KLHL29: variants seen among roughly 807,000 people sequenced by gnomAD.
The protein encoded by KLHL29 is kelch like family member 29.
A neutral mutation model predicts 80.4 loss-of-function variants in KLHL29; 21 were observed. That is an observed-to-expected ratio of 0.26 (90% CI 0.19 to 0.38). The LOEUF (loss-of-function observed/expected upper bound fraction) is 0.38. Ranked by LOEUF, KLHL29 falls within the 10% of genes least tolerant of loss-of-function variation. The pLI is 1.00. For synonymous variants in KLHL29, 511 were observed against 526.8 expected, an observed-to-expected ratio of 0.97 and a Z score of 0.41; for missense variants, 867 against 1,223.9, an observed-to-expected ratio of 0.71 and a Z score of 4.35.
intron 12 of KLHL29, 48 bp downstream of exon 12, chr2:23,703,427 C>T: frequency 7.2e-7 from 1 of 1,393,968 alleles, no homozygotes; most frequent in Non-Finnish European, 9.5e-7. Flanking sequence ...CGCATCCCTG[C>T]CTTGCTGATT....
intron 1 of KLHL29, among the ~76,000 whole-genome samples, chr2:23,464,738 A>G (rs1168552621): frequency 1.3e-5 from 2 of 152,076 alleles, no homozygotes; most frequent in Non-Finnish European, 2.9e-5. Context: ...ACCCAGAAGT[A>G]TTTGTGTTTT....
At chr2:23,511,328 C>T (rs557660727) in intron 2 of KLHL29, among the ~76,000 whole-genome samples, 1 of 152,296 alleles carries the variant, frequency 6.6e-6, no homozygotes, top group South Asian at 2.1e-4. Flanking sequence ...TCAAGGAGCT[C>T]CCTAGTCAAG....
intron 1 of KLHL29, among the ~76,000 whole-genome samples, chr2:23,452,902 AC>A (rs200681873): frequency 1.5e-5 from 2 of 137,192 alleles, no homozygotes; most frequent in Admixed American, 7.1e-5. Context: ...AAGACTGGTC[AC>A]CCCCCCGCCC....
At chr2:23,397,840 C>A (rs1666489571) in intron 1 of KLHL29, among the ~76,000 whole-genome samples, 1 of 152,176 alleles carries the variant, frequency 6.6e-6, no homozygotes, top group Non-Finnish European at 1.5e-5. Context: ...ATACCAATGG[C>A]CAATAAGGAC....
chr2:23,550,004 C>T (rs1222002578), intron 2 of KLHL29, among the ~76,000 whole-genome samples: 2 of 152,162 alleles, frequency 1.3e-5, no homozygotes, highest in Non-Finnish European at 2.9e-5. Context: ...GGTTCTGGGT[C>T]TACCCTGGCC....
intron 1 of KLHL29, among the ~76,000 whole-genome samples, chr2:23,456,615 G>C (rs1015239642): frequency 6.6e-6 from 1 of 152,370 alleles, no homozygotes; most frequent in African/African-American, 2.4e-5. Flanking sequence ...GCGGGGTTCT[G>C]GCTACTTGTG....
intron 1 of KLHL29, among the ~76,000 whole-genome samples, chr2:23,437,222 T>A (rs1663369835): frequency 6.6e-6 from 1 of 152,230 alleles, no homozygotes; most frequent in Non-Finnish European, 1.5e-5. Flanking sequence ...CATTCTAATC[T>A]AGTTTATCTG....
At chr2:23,685,655 C>A (rs1226226760) in intron 6 of KLHL29, among the ~76,000 whole-genome samples, 1 of 152,248 alleles carries the variant, frequency 6.6e-6, no homozygotes, top group African/African-American at 2.4e-5. Flanking sequence ...CAGGAAGGGG[C>A]AGGCTCTTTG....
At chr2:23,437,904 A>T (rs1663391332) in intron 1 of KLHL29, among the ~76,000 whole-genome samples, 1 of 152,132 alleles carries the variant, frequency 6.6e-6, no homozygotes, top group Non-Finnish European at 1.5e-5. Context: ...TTTGGGCAGT[A>T]TGGCCATTTT....
At chr2:23,623,510 A>G (rs1669236903) in intron 3 of KLHL29, among the ~76,000 whole-genome samples, 1 of 152,168 alleles carries the variant, frequency 6.6e-6, no homozygotes, top group Non-Finnish European at 1.5e-5. Context: ...AGGCTGATTT[A>G]GGAAAATGTA....
intron 3 of KLHL29, among the ~76,000 whole-genome samples, chr2:23,623,418 C>G (rs1435938394): frequency 6.6e-6 from 1 of 152,188 alleles, no homozygotes; most frequent in African/African-American, 2.4e-5. Context: ...TGTTTTCTCC[C>G]TCCTGTAATT....
intron 2 of KLHL29, among the ~76,000 whole-genome samples, chr2:23,561,789 G>C (rs1449454370): frequency 6.6e-6 from 1 of 152,134 alleles, no homozygotes; most frequent in Non-Finnish European, 1.5e-5. Flanking sequence ...GTCCTGAGGA[G>C]TTCACGGCTC....
At chr2:23,632,607 G>A (rs1669497639) in intron 3 of KLHL29, among the ~76,000 whole-genome samples, 1 of 152,250 alleles carries the variant, frequency 6.6e-6, no homozygotes, top group Non-Finnish European at 1.5e-5. Flanking sequence ...GCAAGCCAGG[G>A]CCCGGTGGTC....
At chr2:23,597,323 G>GTA (rs1668437923) in intron 3 of KLHL29, among the ~76,000 whole-genome samples, 2 of 138,094 alleles carry the variant, frequency 1.4e-5, no homozygotes, top group Non-Finnish European at 3.1e-5. Context: ...GTGTGTGTGT[G>GTA]TGTGTGTGTG....
At chr2:23,670,507 G>A (rs1222269976) in intron 5 of KLHL29, among the ~76,000 whole-genome samples, 1 of 152,000 alleles carries the variant, frequency 6.6e-6, no homozygotes, top group African/African-American at 2.4e-5. Context: ...CTGTTGCATG[G>A]TCCCCCCAAC....
intron 1 of KLHL29, among the ~76,000 whole-genome samples, chr2:23,435,885 TTC>T (rs961171316): frequency 1.3e-4 from 19 of 151,620 alleles, no homozygotes; most frequent in Middle Eastern, 3.4e-3. Context: ...TTTTCTTTCT[TTC>T]TCTCTCTCTC....
chr2:23,653,122 C>G (rs1210783235), intron 5 of KLHL29, among the ~76,000 whole-genome samples: 4 of 152,184 alleles, frequency 2.6e-5, no homozygotes, highest in Non-Finnish European at 4.4e-5. Context: ...CCGTTCAAAC[C>G]CTTCTGCCTC....
At chr2:23,479,527 T>C (rs1664729032) in intron 2 of KLHL29, among the ~76,000 whole-genome samples, 1 of 152,024 alleles carries the variant, frequency 6.6e-6, no homozygotes, top group Non-Finnish European at 1.5e-5. Context: ...AGGCTTTCCT[T>C]GGCTCCCTGT....
At chr2:23,394,978 G>A (rs962205167) in intron 1 of KLHL29, among the ~76,000 whole-genome samples, 1 of 152,224 alleles carries the variant, frequency 6.6e-6, no homozygotes, top group Non-Finnish European at 1.5e-5. Context: ...GCTGACATAT[G>A]CCAAATCGGT....
Sources: gnomAD v4.1 joint callset for allele counts (sites outside exome capture counted in the v4.1 genomes callset) on GRCh38, gnomAD v4.1.1 for gene constraint, MANE v1.5 for transcripts, NCBI Gene and HGNC (gene_info 2026-07-23, HGNC 2026-07-21) for gene names.